The following LINGO2 variants were observed in gnomAD, a reference collection of about 807,000 sequenced individuals.
LINGO2 encodes the protein leucine rich repeat and Ig domain containing 2, also known as leucine-rich repeat and immunoglobulin-like domain-containing nogo receptor-interacting protein 2.
Under a neutral mutation model 30.6 loss-of-function variants are expected in LINGO2, and 14 were observed. That is an observed-to-expected ratio of 0.46 (90% CI 0.30 to 0.72). The LOEUF is 0.72. Ranked by LOEUF, LINGO2 falls within the 30% of genes least tolerant of loss-of-function variation. The pLI, the probability that LINGO2 is intolerant of heterozygous loss-of-function variation, is 0.07. For synonymous variants in LINGO2, 317 were observed against 288.5 expected (o/e 1.10, Z -1.00); for missense variants, 729 against 751.7 (o/e 0.97, Z 0.35).
the LINGO2 span, among the ~76,000 whole-genome samples, chr9:28,707,574 T>A: frequency 6.6e-6 from 1 of 152,104 alleles, no homozygotes; most frequent in Non-Finnish European, 1.5e-5. Flanking sequence ...CAGTGAAAAC[T>A]GATTCATTTT....
intron 2 of LINGO2, among the ~76,000 whole-genome samples, chr9:28,404,606 T>C (rs1564178327): frequency 1.3e-5 from 2 of 152,172 alleles, no homozygotes; most frequent in Non-Finnish European, 2.9e-5. Context: ...GCTTGGCTAG[T>C]GAGAGGCTAA....
chr9:28,754,164 T>C, the LINGO2 span, among the ~76,000 whole-genome samples: 1 of 152,068 alleles, frequency 6.6e-6, no homozygotes, highest in Non-Finnish European at 1.5e-5. Context: ...TACTATGTAC[T>C]GTGTACTATT....
At chr9:28,277,180 T>A (rs569193938) in intron 4 of LINGO2, among the ~76,000 whole-genome samples, 1 of 152,360 alleles carries the variant, frequency 6.6e-6, no homozygotes, top group East Asian at 1.9e-4. Flanking sequence ...TGTGTCTCTG[T>A]GTCCTACTTT....
the LINGO2 span, among the ~76,000 whole-genome samples, chr9:28,999,877 C>T: frequency 6.7e-6 from 1 of 150,076 alleles, no homozygotes; most frequent in Non-Finnish European, 1.5e-5. Context: ...CATTCCAATC[C>T]TCCGATACAT....
chr9:28,108,254 T>A (rs887942469), intron 4 of LINGO2, among the ~76,000 whole-genome samples: 1 of 152,112 alleles, frequency 6.6e-6, no homozygotes, highest in African/African-American at 2.4e-5. Flanking sequence ...CGCAATTAGG[T>A]TGTTTCCCCT....
the LINGO2 span, among the ~76,000 whole-genome samples, chr9:28,826,124 C>T: frequency 2.0e-5 from 3 of 152,054 alleles, no homozygotes; most frequent in Admixed American, 6.6e-5. Flanking sequence ...ACTGTAAGAA[C>T]GACATACCAA....
intron 1 of LINGO2, among the ~76,000 whole-genome samples, chr9:28,619,014 C>T (rs1826270415): frequency 6.6e-6 from 1 of 152,080 alleles, no homozygotes. Context: ...AAATGATTGC[C>T]ACTTGTGTTT....
chr9:29,049,763 T>C, the LINGO2 span, among the ~76,000 whole-genome samples: 1 of 152,174 alleles, frequency 6.6e-6, no homozygotes, highest in South Asian at 2.1e-4. Flanking sequence ...TTGTACTCAT[T>C]AACATAGAGT....
chr9:28,528,801 CAT>C (rs534961119), intron 1 of LINGO2, among the ~76,000 whole-genome samples: 1 of 151,750 alleles, frequency 6.6e-6, no homozygotes, highest in Non-Finnish European at 1.5e-5. Flanking sequence ...TATATATCCA[CAT>C]ATATATACAC....
At chr9:28,527,468 A>C (rs1040561102) in intron 1 of LINGO2, among the ~76,000 whole-genome samples, 14 of 152,124 alleles carry the variant, frequency 9.2e-5, no homozygotes, top group African/African-American at 3.4e-4. Flanking sequence ...CTTCTGCAGA[A>C]TCTCATTGAA....
intron 1 of LINGO2, among the ~76,000 whole-genome samples, chr9:28,555,379 A>G (rs1006997413): frequency 5.3e-5 from 8 of 150,436 alleles, no homozygotes; most frequent in African/African-American, 2.0e-4. Context: ...CTCTATGCAA[A>G]TAAACTAGAA....
rs537188134 is a variant in LINGO2, at chr9:28,203,802, G to T, written c.-87+91406C>A. Among the ~76,000 whole-genome samples, 4 of 152,244 alleles carry T rather than the reference G, an allele frequency of 2.6e-5. No individual in the cohort carries two copies. The East Asian group carries it at 7.7e-4, about 29-fold the overall frequency. On this transcript the variant is annotated intron_variant, in intron 4 of 5. Coordinates refer to ENST00000379992, the Ensembl canonical transcript of LINGO2. ...GAGCACTAGGCCTCTGGGTCTCAGG[G>T]TATTTGGTGGAATACTATTTCATAG...
chr9:28,067,119 T>A (rs1287270156), intron 4 of LINGO2, among the ~76,000 whole-genome samples: 1 of 152,126 alleles, frequency 6.6e-6, no homozygotes, highest in Admixed American at 6.6e-5. Flanking sequence ...TTCAAAATAT[T>A]CAGGGTCACA....
At chr9:28,993,844 A>G in the LINGO2 span, among the ~76,000 whole-genome samples, 2 of 152,174 alleles carry the variant, frequency 1.3e-5, no homozygotes, top group Non-Finnish European at 2.9e-5. Flanking sequence ...CTCTCAATAA[A>G]TTAGGTACTG....
At chr9:28,406,203 A>C (rs1822507434) in intron 2 of LINGO2, among the ~76,000 whole-genome samples, 1 of 151,910 alleles carries the variant, frequency 6.6e-6, no homozygotes, top group South Asian at 2.1e-4. Context: ...CTTAGGGAGG[A>C]GGTGGGCAGA....
intron 1 of LINGO2, among the ~76,000 whole-genome samples, chr9:28,550,563 A>C (rs1277412423): frequency 6.6e-6 from 1 of 151,746 alleles, no homozygotes; most frequent in African/African-American, 2.4e-5. Context: ...AGTAATTGTC[A>C]GGGTGCCATT....
the LINGO2 span, among the ~76,000 whole-genome samples, chr9:28,848,389 G>A: frequency 1.4e-3 from 75 of 52,280 alleles, no homozygotes; most frequent in South Asian, 0.029. Context: ...GTGTGTGTGT[G>A]TGTGTGTGTA....
At chr9:28,238,482 C>G (rs1188820875) in intron 4 of LINGO2, among the ~76,000 whole-genome samples, 1 of 152,018 alleles carries the variant, frequency 6.6e-6, no homozygotes, top group Admixed American at 6.5e-5. Context: ...TAGAAATCAA[C>G]AAGAAGCAGA....
chr9:28,693,367 TG>T, the LINGO2 span, among the ~76,000 whole-genome samples: 10 of 152,198 alleles, frequency 6.6e-5, no homozygotes, highest in African/African-American at 2.4e-4. Flanking sequence ...ATTCATTCAG[TG>T]ATTTAATCAT....
Sources: gnomAD v4.1 joint callset for allele counts (sites outside exome capture counted in the v4.1 genomes callset) on GRCh38, gnomAD v4.1.1 for gene constraint, MANE v1.5 for transcripts, NCBI Gene and HGNC (gene_info 2026-07-23, HGNC 2026-07-21) for gene names.